ICA1L: variants seen among roughly 807,000 people sequenced by gnomAD.
ICA1L encodes the protein islet cell autoantigen 1-like protein.
ICA1L carries 50 observed loss-of-function variants against 61.3 expected under a neutral mutation model. That is an observed-to-expected ratio of 0.82 (90% confidence interval 0.65 to 1.03). The LOEUF (loss-of-function observed/expected upper bound fraction) is 1.03. ICA1L is among the 50% of genes least tolerant of loss of function. The pLI is 0.00. For synonymous variants in ICA1L, 161 were observed against 191.3 expected (o/e 0.84, Z 1.31); for missense variants, 508 against 556.7 (o/e 0.91, Z 0.88).
At chr2:202,788,267 A>T (rs1396928252) in intron 11 of ICA1L, among the ~76,000 whole-genome samples, 1 of 152,144 alleles carries the variant, frequency 6.6e-6, no homozygotes, top group Non-Finnish European at 1.5e-5. Context: ...AGGAAACCAA[A>T]TGAGGCTCTA....
At chr2:202,805,663 G>A (rs1265525021) in intron 9 of ICA1L, among the ~76,000 whole-genome samples, 1 of 152,022 alleles carries the variant, frequency 6.6e-6, no homozygotes, top group African/African-American at 2.4e-5. Flanking sequence ...ATTCAATAGA[G>A]AGGATTAACA....
intron 1 of ICA1L, among the ~76,000 whole-genome samples, chr2:202,865,549 CT>C (rs1460505806): frequency 6.6e-6 from 1 of 151,830 alleles, no homozygotes; most frequent in African/African-American, 2.4e-5. Flanking sequence ...GAATATTTAC[CT>C]TTAATATTGG....
intron 5 of ICA1L, 116 bp from the exon 6 acceptor site, chr2:202,817,659 T>A: frequency 2.0e-6 from 1 of 500,558 alleles, no homozygotes; most frequent in Non-Finnish European, 3.2e-6. Context: ...TAAATTATAA[T>A]AAAGACTAAT....
chr2:202,839,039 C>T (rs1401057326), intron 1 of ICA1L, among the ~76,000 whole-genome samples: 2 of 152,176 alleles, frequency 1.3e-5, no homozygotes, highest in Admixed American at 6.5e-5. Context: ...GGCCCACCTC[C>T]AACACTGGAA....
chr2:202,792,699 G>C (rs1165119286), intron 10 of ICA1L, among the ~76,000 whole-genome samples: 5 of 152,008 alleles, frequency 3.3e-5, no homozygotes, highest in Admixed American at 1.3e-4. Context: ...CCAGCTACTG[G>C]GGAGGCTGAG....
intron 2 of ICA1L, 50 bp downstream of exon 2, chr2:202,828,798 G>C: frequency 6.7e-7 from 1 of 1,482,932 alleles, no homozygotes; most frequent in Middle Eastern, 1.7e-4. Context: ...TCCCCTTGGA[G>C]CCCCAAATAA....
chr2:202,852,222 TC>T (rs1303236424), intron 1 of ICA1L, among the ~76,000 whole-genome samples: 1 of 152,208 alleles, frequency 6.6e-6, no homozygotes, highest in Non-Finnish European at 1.5e-5. Flanking sequence ...TGTGCATGTA[TC>T]TTTATAGCAG....
intron 1 of ICA1L, among the ~76,000 whole-genome samples, chr2:202,868,862 G>T (rs576044930): frequency 7.2e-5 from 11 of 152,128 alleles, no homozygotes; most frequent in Admixed American, 6.5e-4. Flanking sequence ...CAGCTACTTG[G>T]GAGGCTGAGA....
chr2:202,861,401 C>CA (rs61240847), intron 1 of ICA1L, among the ~76,000 whole-genome samples: 1,611 of 21,730 alleles, frequency 0.074, 686 homozygotes, highest in African/African-American at 0.28. Flanking sequence ...GAGACTATCT[C>CA]AAAAAAAAAA....
At chr2:202,861,585 A>G (rs1694915751) in intron 1 of ICA1L, among the ~76,000 whole-genome samples, 2 of 151,912 alleles carry the variant, frequency 1.3e-5, no homozygotes, top group Admixed American at 1.3e-4. Context: ...ACATAAGTAG[A>G]CATTTTTTTA....
chr2:202,782,671 T>C (rs1425547243), intron 12 of ICA1L, among the ~76,000 whole-genome samples: 1 of 152,140 alleles, frequency 6.6e-6, no homozygotes, highest in Non-Finnish European at 1.5e-5. Flanking sequence ...CCTCCCAAAG[T>C]GCTGGGATTA....
intron 1 of ICA1L, among the ~76,000 whole-genome samples, chr2:202,868,822 G>T (rs1406931210): frequency 6.6e-6 from 1 of 151,802 alleles, no homozygotes; most frequent in Non-Finnish European, 1.5e-5. Context: ...AAGAAAATTA[G>T]CTGGGCGTGA....
At chr2:202,818,011 G>A (rs946713346) in intron 5 of ICA1L, among the ~76,000 whole-genome samples, 3 of 152,112 alleles carry the variant, frequency 2.0e-5, no homozygotes, top group African/African-American at 7.2e-5. Context: ...ATCAGGTAGT[G>A]TGAATACTCA....
At chr2:202,870,019 C>T (rs1410622126) in intron 1 of ICA1L, among the ~76,000 whole-genome samples, 1 of 151,998 alleles carries the variant, frequency 6.6e-6, no homozygotes, top group African/African-American at 2.4e-5. Context: ...CTCACATATC[C>T]CATCTGTTGT....
rs779010638 is a variant in ICA1L, at chr2:202,785,955, C to T, written c.1296G>A (p.Gln432=). The T allele has an allele frequency of 3.1e-6, 5 of 1,608,986 alleles. No individual in the cohort carries two copies. In the African/African-American group the frequency reaches 6.7e-5, roughly 22 times the overall value. Reference sequence around the variant, plus strand: ...TCTTTGGACTCTGTGAAGGCACTGGCTGGTTATCAGTGTGTGAAAGACAAA... The same window carrying T: ...TCTTTGGACTCTGTGAAGGCACTGGTTGGTTATCAGTGTGTGAAAGACAAA... ...SELCLSHTDN[Q]PVPSQSPKKL... is the part of the protein sequence containing the mutation. The change falls in exon 12 of 13, where the codon CAG becomes CAA. Residue 432 remains glutamine (Q), a synonymous_variant. Transcript: ENST00000358299.
At chr2:202,825,886 CTA>C (rs765655291) in intron 2 of ICA1L, 119 bp from the exon 3 acceptor site, 4 of 564,290 alleles carry the variant, frequency 7.1e-6, no homozygotes, top group East Asian at 6.9e-5. Context: ...AACATTATGT[CTA>C]TTTTTCTTGG....
chr2:202,797,596 A>G (rs978518470), intron 9 of ICA1L, among the ~76,000 whole-genome samples: 6 of 152,202 alleles, frequency 3.9e-5, no homozygotes, highest in African/African-American at 1.4e-4. Context: ...ATCTCAGCTC[A>G]CTGGAATCTC....
rs149686236 is a variant in ICA1L at position 202,815,909 on chromosome 2, A to G, written c.783+2T>C. On this transcript the variant is annotated splice_donor_variant, in intron 7 of 12. Coordinates refer to ENST00000358299, the MANE Select transcript of ICA1L (RefSeq NM_001288622.3). LOFTEE classifies it high-confidence loss of function. The stretch of plus-strand genomic sequence containing the variant: ...AACAAGAGAACATGGAACACAATGT[A>G]CCTTGAGAGCTACAAAATCATACGG... 685 of 1,561,092 alleles carry G rather than the reference A, an allele frequency of 4.4e-4. 1 individual carries two copies. Among genetic ancestry groups the G allele is most frequent in the Middle Eastern group, 1.0e-3 (6 of 5,918 alleles).
intron 1 of ICA1L, among the ~76,000 whole-genome samples, chr2:202,848,129 AT>A: frequency 6.6e-6 from 1 of 152,158 alleles, no homozygotes; most frequent in Middle Eastern, 3.4e-3. Flanking sequence ...TGCCCGGCTA[AT>A]TTTTGTATTT....
Sources: gnomAD v4.1 joint callset for allele counts (sites outside exome capture counted in the v4.1 genomes callset) on GRCh38, gnomAD v4.1.1 for gene constraint, MANE v1.5 for transcripts, NCBI Gene and HGNC (gene_info 2026-07-23, HGNC 2026-07-21) for gene names.